SUGCT: variants seen among roughly 807,000 people sequenced by gnomAD.
The protein encoded by SUGCT is succinyl-CoA:glutarate CoA-transferase.
Under a neutral mutation model 55.0 loss-of-function variants are expected in SUGCT, and 41 were observed. That is an observed-to-expected ratio of 0.74 (90% CI 0.58 to 0.97). The LOEUF (loss-of-function observed/expected upper bound fraction) is 0.97. Among genes scored for constraint, SUGCT ranks in the 50% least tolerant of loss-of-function variants. The probability of loss-of-function intolerance (pLI) is 0.00; values close to 1 mark genes in which losing one functional copy is unlikely to be tolerated. For missense variants in SUGCT, 568 were observed against 547.8 expected, an observed-to-expected ratio of 1.04 and a Z score of -0.37; for synonymous variants, 187 against 200.4, an observed-to-expected ratio of 0.93 and a Z score of 0.56.
chr7:40,146,261 A>T (rs1788240080), intron 1 of SUGCT, among the ~76,000 whole-genome samples: 2 of 152,126 alleles, frequency 1.3e-5, no homozygotes, highest in Admixed American at 6.5e-5. Flanking sequence ...AGGATTTTTG[A>T]TTAGGAAGGC....
chr7:40,719,707 T>C (rs979939084), intron 12 of SUGCT, among the ~76,000 whole-genome samples: 6 of 152,018 alleles, frequency 3.9e-5, no homozygotes, highest in African/African-American at 7.2e-5. Flanking sequence ...TGAGAAGCAA[T>C]GAAGCTGCTG....
intron 12 of SUGCT, among the ~76,000 whole-genome samples, chr7:40,544,872 G>A (rs1794906429): frequency 6.6e-6 from 1 of 152,172 alleles, no homozygotes; most frequent in Admixed American, 6.5e-5. Flanking sequence ...TGGAAAGGAA[G>A]CATGGTCTAT....
chr7:40,581,100 C>T (rs577203491), intron 12 of SUGCT, among the ~76,000 whole-genome samples: 31 of 152,262 alleles, frequency 2.0e-4, no homozygotes, highest in African/African-American at 6.3e-4. Context: ...TTGTGTGCTT[C>T]GCTGTTTATT....
intron 13 of SUGCT, among the ~76,000 whole-genome samples, chr7:40,758,803 T>G (rs1562985678): frequency 6.6e-6 from 1 of 152,112 alleles, no homozygotes; most frequent in Non-Finnish European, 1.5e-5. Flanking sequence ...TTCCCTAATT[T>G]GCCCTTTATC....
chr7:40,913,777 G>C, the SUGCT span, among the ~76,000 whole-genome samples: 1 of 152,162 alleles, frequency 6.6e-6, no homozygotes, highest in Non-Finnish European at 1.5e-5. Context: ...TAAAGGGGCA[G>C]CTCTATCTGC....
the SUGCT span, among the ~76,000 whole-genome samples, chr7:40,900,322 C>T: frequency 1.3e-5 from 2 of 152,204 alleles, no homozygotes; most frequent in African/African-American, 4.8e-5. Flanking sequence ...AAGTTGATTG[C>T]CTGACTTCCC....
chr7:40,334,104 A>G (rs1796526042), intron 9 of SUGCT, among the ~76,000 whole-genome samples: 1 of 152,114 alleles, frequency 6.6e-6, no homozygotes, highest in African/African-American at 2.4e-5. Context: ...ATGGATGCAT[A>G]GTATTCATGG....
At chr7:40,668,591 A>G (rs931961605) in intron 12 of SUGCT, among the ~76,000 whole-genome samples, 25 of 152,176 alleles carry the variant, frequency 1.6e-4, no homozygotes, top group Admixed American at 1.6e-3. Context: ...AAACAAACAT[A>G]AGAAGACTCT....
chr7:40,225,221 G>A (rs1423574376), intron 6 of SUGCT, among the ~76,000 whole-genome samples: 2 of 152,066 alleles, frequency 1.3e-5, no homozygotes, highest in African/African-American at 4.8e-5. Context: ...TGCTTTTGCT[G>A]CATCACAGGA....
At chr7:40,933,912 C>G in the SUGCT span, among the ~76,000 whole-genome samples, 1 of 152,064 alleles carries the variant, frequency 6.6e-6, no homozygotes, top group Non-Finnish European at 1.5e-5. Flanking sequence ...TTTGTTATTA[C>G]CGACCTTCCG....
intron 9 of SUGCT, among the ~76,000 whole-genome samples, chr7:40,358,703 A>G (rs1190999968): frequency 1.4e-5 from 2 of 145,770 alleles, no homozygotes; most frequent in Non-Finnish European, 3.0e-5. Context: ...AACAAGAGCA[A>G]AACTCCATCT....
chr7:41,011,543 C>T, the SUGCT span, among the ~76,000 whole-genome samples: 1 of 152,200 alleles, frequency 6.6e-6, no homozygotes, highest in Non-Finnish European at 1.5e-5. Flanking sequence ...TCAGACCATA[C>T]CCCAGACTTA....
chr7:40,421,328 G>A (rs1395578010), intron 9 of SUGCT, among the ~76,000 whole-genome samples: 1 of 151,982 alleles, frequency 6.6e-6, no homozygotes, highest in African/African-American at 2.4e-5. Flanking sequence ...TCTGTTGCTG[G>A]GGTTTGTGTT....
At chr7:41,013,802 C>T in the SUGCT span, among the ~76,000 whole-genome samples, 1 of 149,812 alleles carries the variant, frequency 6.7e-6, no homozygotes, top group Non-Finnish European at 1.5e-5. Flanking sequence ...ATTTTTTTCA[C>T]TAATATATTT....
chr7:40,898,470 T>G, the SUGCT span, among the ~76,000 whole-genome samples: 1 of 4,000 alleles, frequency 2.5e-4, no homozygotes, highest in Non-Finnish European at 5.4e-4. Flanking sequence ...ATCCCAGCAC[T>G]CCGGGAGGTC....
At chr7:40,237,053 G>A (rs1789059930) in intron 6 of SUGCT, among the ~76,000 whole-genome samples, 1 of 151,794 alleles carries the variant, frequency 6.6e-6, no homozygotes, top group East Asian at 2.0e-4. Flanking sequence ...GGCTTGTCTT[G>A]AACTCGTGAC....
intron 13 of SUGCT, among the ~76,000 whole-genome samples, chr7:40,800,312 A>T (rs1204537913): frequency 6.8e-6 from 1 of 147,714 alleles, no homozygotes; most frequent in Non-Finnish European, 1.5e-5. Context: ...TTTTGAGACA[A>T]AGTTTCAGTC....
chr7:40,993,072 C>T, the SUGCT span, among the ~76,000 whole-genome samples: 1 of 152,110 alleles, frequency 6.6e-6, no homozygotes, highest in Non-Finnish European at 1.5e-5. Flanking sequence ...TACTAAAATG[C>T]AGATTCTGAT....
intron 12 of SUGCT, among the ~76,000 whole-genome samples, chr7:40,609,835 G>T (rs1798693637): frequency 6.6e-6 from 1 of 152,130 alleles, no homozygotes; most frequent in South Asian, 2.1e-4. Context: ...AACGCTAAGT[G>T]ATTTGTTTTT....
Sources: gnomAD v4.1 joint callset for allele counts (sites outside exome capture counted in the v4.1 genomes callset) on GRCh38, gnomAD v4.1.1 for gene constraint, MANE v1.5 for transcripts, NCBI Gene and HGNC (gene_info 2026-07-23, HGNC 2026-07-21) for gene names.